Variants in PRPF6 observed in about 807,000 individuals in gnomAD.
PRPF6 encodes the protein pre-mRNA processing factor 6.
Under a neutral mutation model 118.3 loss-of-function variants are expected in PRPF6, and 42 were observed. The observed-to-expected ratio is 0.35, with a 90% CI of 0.28 to 0.46. The LOEUF (loss-of-function observed/expected upper bound fraction) is 0.46. PRPF6 is among the 20% of genes least tolerant of loss of function. The probability of loss-of-function intolerance (pLI) is 1.00; values close to 1 mark genes in which losing one functional copy is unlikely to be tolerated. For synonymous variants in PRPF6, 481 were observed against 485.1 expected (o/e 0.99, Z 0.11); for missense variants, 662 against 1,255.7 (o/e 0.53, Z 7.15).
chr20:64,000,196 C>T (rs968757252), intron 8 of PRPF6, among the ~76,000 whole-genome samples: 51 of 152,186 alleles, frequency 3.4e-4, no homozygotes, highest in Admixed American at 6.5e-4. Context: ...GCTCTTCACC[C>T]GCCTAATGGT....
chr20:63,984,265 A>G (rs1297253688), intron 2 of PRPF6, among the ~76,000 whole-genome samples: 1 of 151,994 alleles, frequency 6.6e-6, no homozygotes, highest in Non-Finnish European at 1.5e-5. Flanking sequence ...CTAAAACTAC[A>G]CAAAAATTAG....
rs1316649446 is a variant in PRPF6, at chr20:63,985,507, T to C, written c.359+482T>C. Among the ~76,000 whole-genome samples, 3 of 152,328 alleles carry C rather than the reference T, an allele frequency of 2.0e-5. No homozygotes were observed. In the East Asian group the frequency reaches 5.8e-4, roughly 29 times the overall value. On this transcript the variant is annotated intron_variant, in intron 3 of 20. Transcript: ENST00000266079. Reference sequence around the variant, plus strand: ...GCTGTTACAGAACAGCCTTAGGGCCTGGGGGCTGCAGTGGAGAGCTTAAGA... The same window carrying C: ...GCTGTTACAGAACAGCCTTAGGGCCCGGGGGCTGCAGTGGAGAGCTTAAGA...
At chr20:63,999,510 A>T in intron 7 of PRPF6, 93 bp from the exon 8 acceptor site, 1 of 1,505,130 alleles carries the variant, frequency 6.6e-7, no homozygotes, top group Non-Finnish European at 9.2e-7. Flanking sequence ...GATAGTTCTT[A>T]CATTGTGACT....
chr20:63,998,841 C>CAA (rs543676271), intron 6 of PRPF6, among the ~76,000 whole-genome samples: 5 of 103,826 alleles, frequency 4.8e-5, no homozygotes, highest in African/African-American at 1.2e-4. Context: ...GACTCCATCT[C>CAA]AAAAAAAAAA....
rs537226652 is a variant in PRPF6 at position 64,017,230 on chromosome 20, A to G, written c.1647+385A>G. Among the ~76,000 whole-genome samples, 1,188 of 138,486 alleles carry G rather than the reference A, an allele frequency of 8.6e-3. 3 individuals carry two copies. Among genetic ancestry groups the G allele is most frequent in the African/African-American group, 0.03 (1,087 of 35,968 alleles). The allele number at this position is 138,486 out of a possible 152,430, so 90.9% of individuals were successfully genotyped here. ...AGTGCTGGGATCACAGGCGTGAGCC[A>G]CCGCGCCCGGCCTCCCAGAGTGCTG... On this transcript the variant is annotated intron_variant, in intron 12 of 20. Transcript: ENST00000266079.
intron 3 of PRPF6, among the ~76,000 whole-genome samples, chr20:63,990,595 A>G (rs2059114313): frequency 1.3e-5 from 2 of 151,296 alleles, no homozygotes; most frequent in South Asian, 4.2e-4. Context: ...TCAGCCTCCC[A>G]GGTAGCTGGG....
intron 1 of PRPF6, 30 bp downstream of exon 1, chr20:63,981,346 G>A: frequency 6.4e-7 from 1 of 1,556,188 alleles, no homozygotes; most frequent in South Asian, 1.2e-5. Context: ...GCGAGGGGCG[G>A]GGACCCGGCT....
rs893237794 is a variant in PRPF6, at chr20:64,027,290, A to G, written c.2205+132A>G. The G allele has an allele frequency of 1.6e-6, 2 of 1,243,654 alleles. No individual in the cohort carries two copies. Among genetic ancestry groups the G allele is most frequent in the Non-Finnish European group, 1.1e-6 (1 of 875,332 alleles). 77.0% of individuals were successfully genotyped at this position (1,243,654 alleles called of 1,614,324 possible). ...TGGGGGTTACAGCTGATGGAGCTGC[A>G]GACTCAGGACCCAAACCCTGGTCCC... On this transcript the variant is annotated intron_variant, in intron 16 of 20. Coordinates refer to ENST00000266079, the MANE Select transcript of PRPF6 (RefSeq NM_012469.4). This position sits in a 1 kb window ranked among gnomAD's most constrained non-coding sequence, Gnocchi z 6.5.
In PRPF6 at chr20:63,995,092, T is replaced by C. The variant is rs2059135463; in HGVS notation, c.615T>C (p.Thr205=). The C allele has an allele frequency of 6.2e-7, 1 of 1,613,986 alleles. No homozygotes were observed. The highest frequency in any genetic ancestry group is 1.7e-5 in the Admixed American group (1 of 59,982). ...ENHTSVDPRQ[T]QFGGLNTPYP... ...ATACCTCAGTGGATCCCCGACAAAC[T>C]GTGAGCTTCCAAAAAAGGGCACATG... Residue 205 remains threonine, a splice_region_variant and synonymous_variant, in exon 5 of 21, where the codon ACT becomes ACC. Transcript: ENST00000266079.
chr20:64,008,420 T>G (rs570558170), intron 9 of PRPF6, among the ~76,000 whole-genome samples: 21 of 149,568 alleles, frequency 1.4e-4, no homozygotes, highest in African/African-American at 4.4e-4. Context: ...AAGCTTTGTG[T>G]TTTTTTTTTC....
intron 6 of PRPF6, among the ~76,000 whole-genome samples, chr20:63,996,767 T>C (rs2059142637): frequency 6.6e-6 from 1 of 152,088 alleles, no homozygotes; most frequent in African/African-American, 2.4e-5. Flanking sequence ...ACTCTGTCTC[T>C]ACAAAAACTA....
intron 9 of PRPF6, among the ~76,000 whole-genome samples, chr20:64,008,949 T>G (rs1450910052): frequency 6.6e-6 from 1 of 152,210 alleles, no homozygotes; most frequent in Admixed American, 6.5e-5. Context: ...TGAATTTTTT[T>G]TAAGTTTTAG....
intron 7 of PRPF6, 113 bp from the exon 8 acceptor site, chr20:63,999,490 C>T (rs2059156390): frequency 7.1e-7 from 1 of 1,401,408 alleles, no homozygotes. Flanking sequence ...TAACTCAGGA[C>T]ATCAGGACTG....
chr20:64,016,980 T>G (rs1165778538), intron 12 of PRPF6, 135 bp downstream of exon 12: 9 of 1,280,038 alleles, frequency 7.0e-6, no homozygotes, highest in Non-Finnish European at 9.7e-6. Flanking sequence ...TCTTGCTCTG[T>G]CGCCCAGGCT....
At chr20:64,031,818 C>T (rs1052900279) in intron 19 of PRPF6, 100 bp from the exon 20 acceptor site, 33 of 1,526,478 alleles carry the variant, frequency 2.2e-5, no homozygotes, top group Admixed American at 8.4e-5. Context: ...ACCAGGGCTG[C>T]GGGTCAGGGA....
intron 9 of PRPF6, among the ~76,000 whole-genome samples, chr20:64,008,751 C>T (rs560676216): frequency 4.3e-4 from 65 of 152,300 alleles, no homozygotes; most frequent in African/African-American, 1.4e-3. Context: ...TTTCAACTTT[C>T]GGGATGATGC....
intron 11 of PRPF6, among the ~76,000 whole-genome samples, chr20:64,013,075 C>G (rs963349249): frequency 6.6e-6 from 1 of 151,834 alleles, no homozygotes; most frequent in Non-Finnish European, 1.5e-5. Context: ...AGCAGTTCTC[C>G]TACGTCAGTC....
chr20:63,991,786 CAAAG>C (rs1406736259), intron 3 of PRPF6, among the ~76,000 whole-genome samples: 2 of 146,444 alleles, frequency 1.4e-5, no homozygotes, highest in East Asian at 4.0e-4. Context: ...GAGACTGTCT[CAAAG>C]AAAAAAAAAA....
intron 9 of PRPF6, among the ~76,000 whole-genome samples, chr20:64,003,918 A>T (rs535197648): frequency 6.6e-6 from 1 of 152,296 alleles, no homozygotes; most frequent in Admixed American, 6.5e-5. Context: ...TCTTATAATG[A>T]GGTGGCCAGG....
Sources: allele counts gnomAD v4.1 joint callset (sites outside exome capture counted in the v4.1 genomes callset), GRCh38; gene constraint gnomAD v4.1.1; non-coding constraint Gnocchi (gnomAD v3.1); transcripts MANE v1.5; gene names NCBI Gene and HGNC (gene_info 2026-07-23, HGNC 2026-07-21).